The following CDH23 variants were observed in gnomAD, a reference collection of about 807,000 sequenced individuals.
The protein encoded by CDH23 is cadherin related 23.
CDH23 carries 189 observed loss-of-function variants against 317.1 expected under a neutral mutation model. The observed-to-expected ratio is 0.60, with a 90% CI of 0.53 to 0.67. The LOEUF (loss-of-function observed/expected upper bound fraction) is 0.67. Ranked by LOEUF, CDH23 falls within the 30% of genes least tolerant of loss-of-function variation. The probability of loss-of-function intolerance (pLI) is 0.00; values close to 1 mark genes in which losing one functional copy is unlikely to be tolerated. For missense variants in CDH23, 4,401 were observed against 4,592.4 expected (o/e 0.96, Z 1.20); for synonymous variants, 1,839 against 1,876.8 (o/e 0.98, Z 0.52).
intron 25 of CDH23, among the ~76,000 whole-genome samples, chr10:71,706,074 G>C (rs1420819461): frequency 2.0e-5 from 3 of 152,108 alleles, no homozygotes; most frequent in South Asian, 2.1e-4. Context: ...AGCTTTAAGA[G>C]AGGACCCCTG....
intron 6 of CDH23, among the ~76,000 whole-genome samples, chr10:71,525,017 G>C (rs1374482218): frequency 1.3e-5 from 2 of 152,272 alleles, no homozygotes; most frequent in Admixed American, 6.5e-5. Flanking sequence ...AAGTGATTCT[G>C]CTGCCTCAGC....
chr10:71,659,960 GTTTT>G (rs5786047), intron 14 of CDH23, among the ~76,000 whole-genome samples: 1 of 119,526 alleles, frequency 8.4e-6, no homozygotes, highest in Non-Finnish European at 1.7e-5. Context: ...CTTTCTTTCC[GTTTT>G]TTTTTTTTTT....
intron 38 of CDH23, among the ~76,000 whole-genome samples, chr10:71,770,419 G>A (rs995664101): frequency 2.0e-5 from 3 of 152,230 alleles, no homozygotes; most frequent in Non-Finnish European, 4.4e-5. Flanking sequence ...CAAAGCCCAA[G>A]AGTTAAGCAA....
intron 2 of CDH23, among the ~76,000 whole-genome samples, chr10:71,442,860 G>A (rs1304014488): frequency 6.6e-6 from 1 of 152,180 alleles, no homozygotes; most frequent in Non-Finnish European, 1.5e-5. Flanking sequence ...TCACCTCAAT[G>A]GTGACCAGGG....
chr10:71,436,010 C>T (rs1450454199), intron 1 of CDH23, among the ~76,000 whole-genome samples: 1 of 152,262 alleles, frequency 6.6e-6, no homozygotes, highest in Non-Finnish European at 1.5e-5. Flanking sequence ...TCTGGGACCT[C>T]AGGGAAAACC....
At chr10:71,801,450 G>A (rs72802190) in intron 53 of CDH23, among the ~76,000 whole-genome samples, 5,854 of 151,808 alleles carry the variant, frequency 0.039, 163 homozygotes, top group Admixed American at 0.095. Context: ...CACCGAGCCC[G>A]GCCTATTTAT....
At chr10:71,768,317 C>CCCGCCACCA (rs1840604690) in intron 38 of CDH23, among the ~76,000 whole-genome samples, 1 of 152,062 alleles carries the variant, frequency 6.6e-6, no homozygotes, top group African/African-American at 2.4e-5. Flanking sequence ...ACTACAGGCA[C>CCCGCCACCA]CCGCCACCAC....
chr10:71,568,457 G>C (rs185271580), intron 7 of CDH23, among the ~76,000 whole-genome samples: 7 of 152,174 alleles, frequency 4.6e-5, no homozygotes, highest in South Asian at 4.1e-4. Flanking sequence ...ACCAGAGCTG[G>C]GCACAGGCAA....
At chr10:71,480,375 T>C (rs1343101317) in intron 3 of CDH23, among the ~76,000 whole-genome samples, 1 of 152,194 alleles carries the variant, frequency 6.6e-6, no homozygotes, top group Non-Finnish European at 1.5e-5. Context: ...GGGAGGACAG[T>C]GGTGAGCAGG....
intron 40 of CDH23, among the ~76,000 whole-genome samples, chr10:71,778,547 T>C (rs753479771): frequency 6.6e-6 from 1 of 152,192 alleles, no homozygotes; most frequent in African/African-American, 2.4e-5. Context: ...CCTCCTCTCC[T>C]TCATGGGAAA....
chr10:71,612,464 T>A (rs1188218745), intron 9 of CDH23, among the ~76,000 whole-genome samples: 1 of 152,116 alleles, frequency 6.6e-6, no homozygotes. Context: ...AACCCTGTTT[T>A]TCAAACCAAA....
At chr10:71,501,286 G>A (rs1228910949) in intron 3 of CDH23, among the ~76,000 whole-genome samples, 2 of 152,212 alleles carry the variant, frequency 1.3e-5, no homozygotes, top group Admixed American at 6.5e-5. Context: ...ACCTGGCAAA[G>A]AGTCATGCCC....
At position 71,510,873 on chromosome 10, in the gene CDH23, C is replaced by G. The variant is rs1253876455; in HGVS notation, c.289-81C>G. On this transcript the variant is annotated intron_variant, in intron 4 of 69. Coordinates refer to ENST00000224721, the MANE Select transcript of CDH23 (RefSeq NM_022124.6). ...AAGCTCCTAGGGCAATCCTGGAGCC[C>G]CTCCCGCCCCATTTAGGGCCCAGGA... 2.2e-6 allele frequency: 3 copies of G among 1,381,478 alleles called. No individual in the cohort carries two copies. The African/African-American group carries it at 4.3e-5, about 20-fold the overall frequency. The allele number at this position is 1,381,478 out of a possible 1,614,324, so 85.6% of individuals were successfully genotyped here. A position where few individuals can be genotyped will look rare whatever the true frequency, so the allele number is the denominator to read the frequency against.
intron 2 of CDH23, 32 bp from the exon 3 acceptor site, chr10:71,446,286 C>A (rs746220827): frequency 6.2e-7 from 1 of 1,608,146 alleles, no homozygotes; most frequent in Non-Finnish European, 8.5e-7. Flanking sequence ...ATGGGGGGTA[C>A]TTGGCTGACG....
chr10:71,429,526 A>C (rs1241523902), intron 1 of CDH23, among the ~76,000 whole-genome samples: 2 of 152,176 alleles, frequency 1.3e-5, no homozygotes, highest in Non-Finnish European at 2.9e-5. Flanking sequence ...CGAGAATCTG[A>C]TCAAGCCCAG....
chr10:71,715,740 G>A, intron 28 of CDH23: 1 of 477,126 alleles, frequency 2.1e-6, no homozygotes. Context: ...GGGGTCTGCA[G>A]AGAGGAAGGT....
intron 6 of CDH23, among the ~76,000 whole-genome samples, chr10:71,514,519 C>G (rs1854168894): frequency 6.6e-6 from 1 of 152,056 alleles, no homozygotes; most frequent in African/African-American, 2.4e-5. Flanking sequence ...AGGCATTGCC[C>G]CGCTGCCTGC....
chr10:71,669,957 C>T (rs182862752), intron 14 of CDH23, among the ~76,000 whole-genome samples: 61 of 152,114 alleles, frequency 4.0e-4, no homozygotes, highest in African/African-American at 1.4e-3. Context: ...GCCAAGATCG[C>T]GCCATTGCAC....
At chr10:71,744,045 G>A (rs1438685148) in intron 38 of CDH23, among the ~76,000 whole-genome samples, 2 of 152,176 alleles carry the variant, frequency 1.3e-5, no homozygotes, top group Non-Finnish European at 2.9e-5. Flanking sequence ...CCAGAGTGCT[G>A]CTTGTGTCTC....
Sources: allele counts gnomAD v4.1 joint callset (sites outside exome capture counted in the v4.1 genomes callset), GRCh38; gene constraint gnomAD v4.1.1; transcripts MANE v1.5; gene names NCBI Gene and HGNC (gene_info 2026-07-23, HGNC 2026-07-21).